The following DDX23 variants were observed in gnomAD, a reference collection of about 807,000 sequenced individuals.
DDX23 encodes the protein probable ATP-dependent RNA helicase DDX23.
Under a neutral mutation model 102.7 loss-of-function variants are expected in DDX23, and 33 were observed. That is an observed-to-expected ratio of 0.32 (90% CI 0.24 to 0.43). The LOEUF is 0.43. DDX23 is among the 20% of genes least tolerant of loss of function. The pLI is 1.00. For synonymous variants in DDX23, 352 were observed against 376.0 expected, an observed-to-expected ratio of 0.94 and a Z score of 0.74; for missense variants, 549 against 1,086.6, an observed-to-expected ratio of 0.51 and a Z score of 6.96.
chr12:48,837,355 C>G lies in DDX23; in HGVS notation c.792G>C (p.Thr264=). Reference sequence around the variant, plus strand: ...CAAATTTCCGGTCATTGAGATGTCTCGTTCGGCGCCGCTTTTTGATGCCAC... The same window carrying G: ...CAAATTTCCGGTCATTGAGATGTCTGGTTCGGCGCCGCTTTTTGATGCCAC... ...YLGGIKKRRR[T]RHLNDRKFVF... Residue 264 remains threonine, a synonymous_variant, in exon 8 of 17, where the codon ACG becomes ACC. Transcript: ENST00000308025. 1 of 1,614,194 alleles carries G rather than the reference C, an allele frequency of 6.2e-7. No homozygotes were observed. The highest frequency in any genetic ancestry group is 1.3e-5 in the African/African-American group (1 of 75,054).
At chr12:48,835,801 G>C (rs1938461206) in intron 11 of DDX23, among the ~76,000 whole-genome samples, 1 of 152,198 alleles carries the variant, frequency 6.6e-6, no homozygotes, top group Non-Finnish European at 1.5e-5. Flanking sequence ...TGAAGCAGGA[G>C]AATCACCTGA....
Position 48,838,174 on chromosome 12 carries a change from G to C in DDX23, c.481-94C>G, listed in dbSNP as rs1341455248. On this transcript the variant is annotated intron_variant, in intron 5 of 16. Coordinates refer to ENST00000308025, the MANE Select transcript of DDX23 (RefSeq NM_004818.3). ...GATGGCAGGGAACCCAAAAGTATTT[G>C]CTCAGGCATTAAGCCTGTTGAGGAA... 7 of 1,569,410 alleles carry C rather than the reference G, an allele frequency of 4.5e-6. No homozygotes were observed. In the Admixed American group the frequency reaches 1.2e-4, roughly 28 times the overall value.
rs1297122451 is a variant in DDX23, at chr12:48,832,011, G to A, written c.2064+67C>T. 1 of 1,446,614 alleles carries A rather than the reference G, an allele frequency of 6.9e-7. No individual in the cohort carries two copies. Among genetic ancestry groups the A allele is most frequent in the Non-Finnish European group, 9.7e-7 (1 of 1,030,900 alleles). 89.6% of individuals were successfully genotyped at this position (1,446,614 alleles called of 1,614,324 possible). ...GTGAGACTTGAAAGGAAGAGCCTAG[G>A]GGGCCCTGCTAGATTCAGAAAGCAG... is the stretch of plus-strand genomic sequence containing the variant. On this transcript the variant is annotated intron_variant, in intron 15 of 16. Coordinates refer to ENST00000308025, the MANE Select transcript of DDX23 (RefSeq NM_004818.3). This position sits in a 1 kb window ranked among gnomAD's most constrained non-coding sequence, Gnocchi z 4.4.
In DDX23 at chr12:48,839,900, A is replaced by G; in HGVS notation, c.424T>C (p.Leu142=). 1 of 1,614,186 alleles carries G rather than the reference A, an allele frequency of 6.2e-7. No individual in the cohort carries two copies. The highest frequency in any genetic ancestry group is 8.5e-7 in the Non-Finnish European group (1 of 1,180,034). ...TTGGCCAGAAGCTCCTCCAGGGATA[A>G]TGGCTGGGCCTGAAGATAAAACAGA... The part of the protein sequence containing the change: ...HGDKKPKAQP[L]SLEELLAKKK... The change falls in exon 5 of 17, where the codon TTA becomes CTA. Residue 142 remains leucine (L), a synonymous_variant. Transcript: ENST00000308025.
Position 48,830,649 on chromosome 12 carries a change from A to G in DDX23, c.2283T>C (p.Ser761=). The change falls in exon 17 of 17, where the codon AGT becomes AGC. Residue 761 remains serine (S), a synonymous_variant. Coordinates refer to ENST00000308025, the MANE Select transcript of DDX23 (RefSeq NM_004818.3). This position sits in a 1 kb window ranked among gnomAD's most constrained non-coding sequence, Gnocchi z 4.9. ...TTGTGAGGAAGGTGATGGCCACCCC[A>G]CTCTTGCCTGCTCGTCCCGTGCGGC... ...RIGRTGRAGK[S]GVAITFLTKE... The G allele has an allele frequency of 6.2e-7, 1 of 1,613,532 alleles. No homozygotes were observed. The highest frequency in any genetic ancestry group is 8.5e-7 in the Non-Finnish European group (1 of 1,179,822).
rs1299870117 is a variant in DDX23 at position 48,837,998 on chromosome 12, A to G, written c.563T>C (p.Leu188Pro). 2 of 1,613,914 alleles carry G rather than the reference A, an allele frequency of 1.2e-6. No homozygotes were observed. Among genetic ancestry groups the G allele is most frequent in the South Asian group, 1.1e-5 (1 of 91,062 alleles). The change falls in exon 6 of 17, where the codon CTT becomes CCT. Residue 188 changes from leucine to proline, a missense_variant. By Grantham distance (98) the Leu-to-Pro change is moderately conservative (BLOSUM62 -3). Around this residue, in one of 4 missense-constraint regions of DDX23, gnomAD observed 241 missense variants for 267.0 expected, o/e 0.90. Transcript: ENST00000308025. ...TTTCCTTTTCTTCCTCTCTTCTTCA[A>G]GCATCCTCTGCCGCTCTTCCACCTC... ...QQEVEERQRM[L>P]EEERKKRKQF...
At chr12:48,833,607 C>T in intron 12 of DDX23, 88 bp from the exon 13 acceptor site, 3 of 1,508,526 alleles carry the variant, frequency 2.0e-6, no homozygotes, top group Non-Finnish European at 2.7e-6. Flanking sequence ...GGTGACAGAC[C>T]TCCAATGCTG....
chr12:48,832,442 G>A lies in DDX23; in HGVS notation c.1935C>T (p.Leu645=). The stretch of plus-strand genomic sequence containing the variant: ...CATACCTCTTTTCTGACTCTGACAT[G>A]AGGAAGACCTTCTGTTCCACACGCT... The part of the protein sequence containing the change: ...PHERVEQKVF[L]MSESEKRKKL... Residue 645 remains leucine (L), a synonymous_variant, in exon 14 of 17, where the codon CTC becomes CTT. Coordinates refer to ENST00000308025, the MANE Select transcript of DDX23 (RefSeq NM_004818.3). This position sits in a 1 kb window ranked among gnomAD's most constrained non-coding sequence, Gnocchi z 4.4. 1 of 1,613,810 alleles carries A rather than the reference G, an allele frequency of 6.2e-7. No homozygotes were observed. The highest frequency in any genetic ancestry group is 2.2e-5 in the East Asian group (1 of 44,848).
At chr12:48,834,045 G>A (rs1938429223) in intron 12 of DDX23, among the ~76,000 whole-genome samples, 1 of 152,166 alleles carries the variant, frequency 6.6e-6, no homozygotes, top group African/African-American at 2.4e-5. Context: ...ATTGCCAGCT[G>A]TTTGTGACTT....
intron 12 of DDX23, 104 bp downstream of exon 12, chr12:48,834,216 A>G (rs1283394793): frequency 9.0e-7 from 1 of 1,105,270 alleles, no homozygotes; most frequent in African/African-American, 1.6e-5. Flanking sequence ...TATATAAACC[A>G]GCTCCTTTCT....
chr12:48,839,558 CAAAAAAAAAAAAAAA>C (rs35663911), intron 5 of DDX23: 3 of 73,138 alleles, frequency 4.1e-5, no homozygotes, highest in African/African-American at 7.3e-5. Flanking sequence ...GACTCTGTCT[CAAAAAAAAAAAAAAA>C]AAAAAAAAAA....
Position 48,838,012 on chromosome 12 carries a change from C to T in DDX23, c.549G>A (p.Glu183=), listed in dbSNP as rs1938489721. ...TCTCTTCTTCAAGCATCCTCTGCCGCTCTTCCACCTCCTGCTGCCGTCGCT... is the reference window on the plus strand; with the variant it reads ...TCTCTTCTTCAAGCATCCTCTGCCGTTCTTCCACCTCCTGCTGCCGTCGCT... ...ALKRRQQEVE[E]RQRMLEEERK... is the part of the protein sequence containing the mutation. Residue 183 remains glutamate (E), a synonymous_variant, in exon 6 of 17, where the codon GAG becomes GAA. Transcript: ENST00000308025. 1 of 1,614,240 alleles carries T rather than the reference C, an allele frequency of 6.2e-7. No homozygotes were observed. Among genetic ancestry groups the T allele is most frequent in the Non-Finnish European group, 8.5e-7 (1 of 1,180,058 alleles).
At chr12:48,839,157 G>A (rs1404462411) in intron 5 of DDX23, among the ~76,000 whole-genome samples, 1 of 151,960 alleles carries the variant, frequency 6.6e-6, no homozygotes, top group Non-Finnish European at 1.5e-5. Flanking sequence ...TTACAGGTGT[G>A]AGCCACTGTA....
chr12:48,831,264 G>A lies in DDX23; in HGVS notation c.2117C>T (p.Ala706Val), dbSNP rs1938382336. 1 of 1,614,200 alleles carries A rather than the reference G, an allele frequency of 6.2e-7. No individual in the cohort carries two copies. The highest frequency in any genetic ancestry group is 8.5e-7 in the Non-Finnish European group (1 of 1,180,044). ...GGKGQEQREF[A>V]LSNLKAGAKD... ...GGCCCCAGCCTTGAGGTTGGACAAC[G>A]CAAACTCTCGCTGCTCCTGGCCTTT... Residue 706 changes from alanine (A) to valine (V), a missense_variant, in exon 16 of 17, where the codon GCG becomes GTG. By Grantham distance (64) the Ala-to-Val change is moderately conservative. Transcript: ENST00000308025.
intron 4 of DDX23, 27 bp from the exon 5 acceptor site, chr12:48,839,936 A>G (rs953563257): frequency 8.7e-6 from 14 of 1,613,528 alleles, no homozygotes; most frequent in Middle Eastern, 1.6e-4. Flanking sequence ...ACTTTAGTCT[A>G]TAAAGGCTCT....
At chr12:48,842,384 G>A (rs1212131005) in intron 3 of DDX23, among the ~76,000 whole-genome samples, 3 of 139,630 alleles carry the variant, frequency 2.1e-5, no homozygotes, top group African/African-American at 5.4e-5. Flanking sequence ...CAGCCGCCCC[G>A]TCCGGGAAGG....
rs761005045 is a variant in DDX23 at position 48,830,598 on chromosome 12, C to T, written c.2334G>A (p.Glu778=). 54 of 1,614,128 alleles carry T rather than the reference C, an allele frequency of 3.3e-5. No individual in the cohort carries two copies. Among genetic ancestry groups the T allele is most frequent in the Non-Finnish European group, 4.5e-5 (53 of 1,180,030 alleles). Residue 778 remains glutamate, a synonymous_variant, in exon 17 of 17, where the codon GAG becomes GAA. Coordinates refer to ENST00000308025, the MANE Select transcript of DDX23 (RefSeq NM_004818.3). This position sits in a 1 kb window ranked among gnomAD's most constrained non-coding sequence, Gnocchi z 4.9. ...GGCTTTCCAGGATAGCTTGCTTCAGCTCGTAGAACACAGCAGAGTCCTCTT... is the reference window on the plus strand; with the variant it reads ...GGCTTTCCAGGATAGCTTGCTTCAGTTCGTAGAACACAGCAGAGTCCTCTT... ...LTKEDSAVFY[E]LKQAILESPV...
rs565308056 is a variant in DDX23, at chr12:48,842,388, G to A, written c.320+1552C>T. ...CTCTGCCCAGTCAGCCGCCCCGTCC[G>A]GGAAGGAGGTGGGGGAGGTCAGCCC... On this transcript the variant is annotated intron_variant, in intron 3 of 16. Transcript: ENST00000308025. Among the ~76,000 whole-genome samples, 5 of 140,966 alleles carry A rather than the reference G, an allele frequency of 3.5e-5. No homozygotes were observed. In the South Asian group the frequency reaches 6.9e-4, roughly 19 times the overall value. The allele number at this position is 140,966 out of a possible 152,430, so 92.5% of individuals were successfully genotyped here.
chr12:48,842,421 G>A (rs1249510149), intron 3 of DDX23, among the ~76,000 whole-genome samples: 2 of 140,180 alleles, frequency 1.4e-5, no homozygotes, highest in Non-Finnish European at 3.1e-5. Flanking sequence ...CCCCCCGCCC[G>A]GCCAGCCGCC....
Sources: gnomAD v4.1 joint callset for allele counts (sites outside exome capture counted in the v4.1 genomes callset) on GRCh38, gnomAD v4.1.1 for gene constraint, gnomAD v4.1.1 regional missense constraint, Gnocchi (gnomAD v3.1) non-coding constraint, MANE v1.5 for transcripts, NCBI Gene and HGNC (gene_info 2026-07-23, HGNC 2026-07-21) for gene names.